The following DMD variants were observed in gnomAD, a reference collection of about 807,000 sequenced individuals.
DMD encodes mutant dystrophin.
A neutral mutation model predicts 330.1 loss-of-function variants in DMD; 63 were observed. The ratio of observed to expected loss-of-function variants is 0.19; its 90% CI spans 0.16 to 0.24. DMD has a LOEUF of 0.24. DMD is among the 10% of genes least tolerant of loss of function. DMD has a pLI of 1.00. For missense variants in DMD, 3,344 were observed against 2,684.1 expected (o/e 1.25, Z -5.43); for synonymous variants, 1,223 against 959.8 (o/e 1.27, Z -5.07).
chrX:31,574,838 C>T (rs189155854), intron 55 of DMD, among the ~76,000 whole-genome samples: 1 of 111,693 alleles, frequency 9.0e-6, no homozygotes, highest in Non-Finnish European at 1.9e-5. Context: ...AATAAAACTA[C>T]GATTTTCTAA....
chrX:33,116,475 T>C (rs781633073), intron 1 of DMD, among the ~76,000 whole-genome samples: 1 of 110,611 alleles, frequency 9.0e-6, no homozygotes, highest in African/African-American at 3.3e-5. Context: ...ACCACTGCAC[T>C]CCATCCTGGA....
intron 43 of DMD, among the ~76,000 whole-genome samples, chrX:32,280,186 T>C (rs1199428187): frequency 0.099 from 2,556 of 25,777 alleles, 90 homozygotes; most frequent in African/African-American, 0.18. Context: ...TATATATATA[T>C]ACACACTATG....
intron 42 of DMD, among the ~76,000 whole-genome samples, chrX:32,290,828 G>C (rs984992046): frequency 1.8e-5 from 2 of 112,063 alleles, no homozygotes; most frequent in African/African-American, 6.5e-5. Flanking sequence ...AAAAATCCAA[G>C]TATAGAAGCC....
intron 55 of DMD, among the ~76,000 whole-genome samples, chrX:31,546,239 T>C (rs998660479): frequency 8.9e-6 from 1 of 112,480 alleles, no homozygotes; most frequent in Non-Finnish European, 1.9e-5. Flanking sequence ...GTTAAATCAA[T>C]GTAATCCCAG....
At chrX:31,356,924 C>CTTTTTT (rs58097229) in intron 60 of DMD, among the ~76,000 whole-genome samples, 2 of 74,292 alleles carry the variant, frequency 2.7e-5, no homozygotes, top group African/African-American at 1.0e-4. Flanking sequence ...TTTCTTCTGC[C>CTTTTTT]TTTTTTTTTT....
intron 46 of DMD, among the ~76,000 whole-genome samples, chrX:31,930,552 C>T (rs1372838338): frequency 1.8e-5 from 2 of 111,740 alleles, no homozygotes; most frequent in African/African-American, 6.5e-5. Flanking sequence ...AGCCATACAA[C>T]GCTATTAACA....
At chrX:32,710,387 A>C (rs373771945) in intron 7 of DMD, among the ~76,000 whole-genome samples, 7 of 111,246 alleles carry the variant, frequency 6.3e-5, no homozygotes, top group African/African-American at 2.3e-4. Flanking sequence ...ATTTCCAAAA[A>C]TAAGACTTGA....
chrX:32,364,487 CTCTTAT>C (rs1426264541), intron 36 of DMD, 89 bp downstream of exon 36: 3 of 998,086 alleles, frequency 3.0e-6, no homozygotes, highest in Non-Finnish European at 2.8e-6. Flanking sequence ...GATTGTTTTA[CTCTTAT>C]TAAGACGTCC....
At chrX:32,989,482 AAAGT>A (rs374389702) in intron 2 of DMD, among the ~76,000 whole-genome samples, 12 of 112,086 alleles carry the variant, frequency 1.1e-4, no homozygotes, top group African/African-American at 3.9e-4. Flanking sequence ...TAGTGTTGCT[AAAGT>A]AAGAACAGAA....
At chrX:32,643,174 T>A (rs1433901978) in intron 11 of DMD, among the ~76,000 whole-genome samples, 1 of 111,176 alleles carries the variant, frequency 9.0e-6, no homozygotes, top group African/African-American at 3.3e-5. Flanking sequence ...ATCTCCTGGC[T>A]TGGAATACAT....
At chrX:33,207,616 G>A (rs962892251) in intron 1 of DMD, among the ~76,000 whole-genome samples, 3 of 110,733 alleles carry the variant, frequency 2.7e-5, no homozygotes, top group Admixed American at 9.7e-5. Context: ...TCCAAACTTG[G>A]TAAAATAATA....
At chrX:32,428,143 G>A (rs773035761) in intron 29 of DMD, among the ~76,000 whole-genome samples, 2 of 110,428 alleles carry the variant, frequency 1.8e-5, no homozygotes, top group East Asian at 2.8e-4. Flanking sequence ...TCTTGAGATG[G>A]GCAGTTAGCT....
At chrX:31,690,943 G>A (rs1293173661) in intron 52 of DMD, among the ~76,000 whole-genome samples, 3 of 110,056 alleles carry the variant, frequency 2.7e-5, no homozygotes, top group African/African-American at 9.9e-5. Flanking sequence ...GCAGGAAGGG[G>A]AACATCACAC....
intron 57 of DMD, among the ~76,000 whole-genome samples, chrX:31,486,682 A>G (rs2068835320): frequency 8.9e-6 from 1 of 112,138 alleles, no homozygotes; most frequent in East Asian, 2.8e-4. Context: ...TCATTCAACA[A>G]ATGGATACCG....
At chrX:32,858,809 A>G (rs1290222734) in intron 2 of DMD, among the ~76,000 whole-genome samples, 1 of 110,731 alleles carries the variant, frequency 9.0e-6, no homozygotes, top group Non-Finnish European at 1.9e-5. Flanking sequence ...CTAACATACT[A>G]TTTCTCTTGG....
chrX:32,771,598 T>G (rs1386101773), intron 7 of DMD, among the ~76,000 whole-genome samples: 1 of 111,420 alleles, frequency 9.0e-6, no homozygotes, highest in Non-Finnish European at 1.9e-5. Flanking sequence ...TGTGATTATG[T>G]CTTTGCAATA....
intron 17 of DMD, among the ~76,000 whole-genome samples, chrX:32,537,800 A>G (rs2048126816): frequency 8.9e-6 from 1 of 112,301 alleles, no homozygotes; most frequent in South Asian, 3.7e-4. Context: ...AAACGAACAA[A>G]ATTATATGTA....
At chrX:32,287,277 G>A (rs1257557590) in intron 43 of DMD, among the ~76,000 whole-genome samples, 2 of 111,502 alleles carry the variant, frequency 1.8e-5, no homozygotes, top group Non-Finnish European at 3.8e-5. Flanking sequence ...TCTGATTTAC[G>A]ATTACCTGAA....
chrX:32,527,977 G>A (rs1474682400), intron 17 of DMD, among the ~76,000 whole-genome samples: 1 of 111,930 alleles, frequency 8.9e-6, no homozygotes, highest in Non-Finnish European at 1.9e-5. Flanking sequence ...GTATGTTTAA[G>A]TTGCTTTAAA....
Sources: allele counts gnomAD v4.1 joint callset (sites outside exome capture counted in the v4.1 genomes callset), GRCh38; gene constraint gnomAD v4.1.1; transcripts MANE v1.5; gene names NCBI Gene and HGNC (gene_info 2026-07-23, HGNC 2026-07-21).